Variants in TSGA10 observed in about 807,000 individuals in gnomAD.
TSGA10 encodes testis-specific gene 10 protein.
In TSGA10, 43 loss-of-function variants were observed where a neutral mutation model predicts 96.6. That is an observed-to-expected ratio of 0.44 (90% CI 0.35 to 0.57). The LOEUF (loss-of-function observed/expected upper bound fraction) is 0.57. TSGA10 is among the 20% of genes least tolerant of loss of function. TSGA10 has a pLI of 0.01. For synonymous variants in TSGA10, 229 were observed against 269.9 expected (o/e 0.85, Z 1.48); for missense variants, 703 against 834.4 (o/e 0.84, Z 1.94).
intron 11 of TSGA10, among the ~76,000 whole-genome samples, chr2:99,079,619 T>C (rs78390008): frequency 0.054 from 8,239 of 152,250 alleles, 418 homozygotes; most frequent in East Asian, 0.21. Context: ...TTACCTACTC[T>C]AGGTATTAGA....
At chr2:99,149,625 AT>A (rs201218481) in intron 1 of TSGA10, among the ~76,000 whole-genome samples, 1,610 of 149,542 alleles carry the variant, frequency 0.011, 10 homozygotes, top group Middle Eastern at 0.028. Context: ...GGTATTTTTA[AT>A]ACAGATGGGG....
intron 10 of TSGA10, among the ~76,000 whole-genome samples, chr2:99,085,509 T>C (rs2088172275): frequency 6.8e-6 from 1 of 147,766 alleles, no homozygotes; most frequent in South Asian, 2.1e-4. Flanking sequence ...CTTGGGAGGC[T>C]GAGGCAAGAG....
At chr2:99,053,659 C>T (rs2083648170) in intron 16 of TSGA10, among the ~76,000 whole-genome samples, 1 of 152,102 alleles carries the variant, frequency 6.6e-6, no homozygotes, top group Non-Finnish European at 1.5e-5. Flanking sequence ...CCACAGTTAA[C>T]ATCATACTCA....
intron 17 of TSGA10, among the ~76,000 whole-genome samples, chr2:99,026,927 G>A (rs1382059870): frequency 6.6e-6 from 1 of 152,156 alleles, no homozygotes; most frequent in African/African-American, 2.4e-5. Context: ...GTCGGGGTGG[G>A]GATGGTTTTG....
At chr2:99,093,753 C>A (rs193124757) in intron 10 of TSGA10, among the ~76,000 whole-genome samples, 1 of 151,842 alleles carries the variant, frequency 6.6e-6, no homozygotes, top group Non-Finnish European at 1.5e-5. Context: ...ACATCACAGA[C>A]GACACAAACA....
At chr2:99,070,517 C>G (rs2085836844) in intron 14 of TSGA10, among the ~76,000 whole-genome samples, 2 of 152,024 alleles carry the variant, frequency 1.3e-5, no homozygotes, top group Admixed American at 1.3e-4. Flanking sequence ...TCAAATATAA[C>G]AGTAACTGAG....
intron 17 of TSGA10, among the ~76,000 whole-genome samples, chr2:99,024,893 A>G (rs1023612136): frequency 1.3e-5 from 2 of 152,204 alleles, no homozygotes; most frequent in Non-Finnish European, 2.9e-5. Context: ...TCCATTGAGA[A>G]GGCTGTGTGG....
At chr2:99,054,160 G>A (rs990501660) in intron 16 of TSGA10, among the ~76,000 whole-genome samples, 2 of 152,114 alleles carry the variant, frequency 1.3e-5, no homozygotes, top group African/African-American at 2.4e-5. Flanking sequence ...CAGAATGGTA[G>A]TGCCATAAAA....
intron 16 of TSGA10, among the ~76,000 whole-genome samples, chr2:99,062,546 G>A (rs1428440060): frequency 2.6e-5 from 4 of 152,100 alleles, no homozygotes; most frequent in Non-Finnish European, 5.9e-5. Context: ...GACCAGCTTG[G>A]GCAATATAGT....
chr2:99,111,422 A>G (rs751264902), intron 4 of TSGA10, among the ~76,000 whole-genome samples: 5 of 152,132 alleles, frequency 3.3e-5, no homozygotes. Flanking sequence ...TGACTACATT[A>G]TATGTTCCTA....
intron 2 of TSGA10, among the ~76,000 whole-genome samples, chr2:99,122,687 C>T (rs1428633659): frequency 2.7e-5 from 4 of 148,740 alleles, no homozygotes; most frequent in Non-Finnish European, 4.4e-5. Flanking sequence ...ATTACTTGAA[C>T]GGCTGAGGTA....
At chr2:99,100,955 T>C (rs992575929) in intron 10 of TSGA10, among the ~76,000 whole-genome samples, 7 of 96,238 alleles carry the variant, frequency 7.3e-5, no homozygotes, top group African/African-American at 2.9e-4. Context: ...TTAGGCTGGG[T>C]GAAAAAAAAA....
At chr2:99,121,517 A>C (rs1043041539) in intron 2 of TSGA10, among the ~76,000 whole-genome samples, 12 of 152,318 alleles carry the variant, frequency 7.9e-5, no homozygotes, top group Non-Finnish European at 1.8e-4. Flanking sequence ...ATTCTCACCC[A>C]GGCTGGAGTG....
At chr2:99,099,252 C>T (rs771923676) in intron 10 of TSGA10, among the ~76,000 whole-genome samples, 9 of 152,146 alleles carry the variant, frequency 5.9e-5, no homozygotes, top group African/African-American at 1.7e-4. Context: ...GCGGAGGTTG[C>T]GGTGAGCCAA....
At chr2:99,141,944 G>T (rs760377655) in intron 1 of TSGA10, 1 of 152,466 alleles carries the variant, frequency 6.6e-6, no homozygotes. Flanking sequence ...CCCGGTGAGC[G>T]TGGGCAGCCT....
chr2:99,021,837 T>C (rs1316048635), intron 17 of TSGA10, among the ~76,000 whole-genome samples: 1 of 152,214 alleles, frequency 6.6e-6, no homozygotes, highest in Non-Finnish European at 1.5e-5. Flanking sequence ...AATTTGTTAG[T>C]TTGTGTTAAT....
intron 1 of TSGA10, chr2:99,147,455 T>C (rs2093643852): frequency 6.2e-7 from 1 of 1,613,802 alleles, no homozygotes; most frequent in African/African-American, 1.3e-5. Context: ...CCCAATAGAC[T>C]TGTTCACCCT....
At chr2:99,087,571 C>T (rs2088700935) in intron 10 of TSGA10, among the ~76,000 whole-genome samples, 1 of 151,996 alleles carries the variant, frequency 6.6e-6, no homozygotes, top group Non-Finnish European at 1.5e-5. Flanking sequence ...ACCTTTACTC[C>T]CAGCTACCTA....
intron 16 of TSGA10, among the ~76,000 whole-genome samples, chr2:99,060,933 A>G (rs1290726109): frequency 1.3e-5 from 2 of 152,204 alleles, no homozygotes; most frequent in African/African-American, 4.8e-5. Context: ...ATTCAATTGT[A>G]GCATAGATCT....
Sources: gnomAD v4.1 joint callset for allele counts (sites outside exome capture counted in the v4.1 genomes callset) on GRCh38, gnomAD v4.1.1 for gene constraint, MANE v1.5 for transcripts, NCBI Gene and HGNC (gene_info 2026-07-23, HGNC 2026-07-21) for gene names.